Variants in HAUS7 observed in about 807,000 individuals in gnomAD.
The protein encoded by HAUS7 is HAUS augmin-like complex subunit 7.
A neutral mutation model predicts 28.4 loss-of-function variants in HAUS7; 3 were observed. The ratio of observed to expected loss-of-function variants is 0.11; its 90% confidence interval spans 0.05 to 0.27. The LOEUF (loss-of-function observed/expected upper bound fraction) is 0.27, where lower values mean the gene tolerates loss of function less well. Among genes scored for constraint, HAUS7 ranks in the 10% least tolerant of loss-of-function variants. The pLI is 1.00. For missense variants in HAUS7, 284 were observed against 297.3 expected, an observed-to-expected ratio of 0.96 and a Z score of 0.33; for synonymous variants, 165 against 132.1, an observed-to-expected ratio of 1.25 and a Z score of -1.71.
intron 9 of HAUS7, among the ~76,000 whole-genome samples, chrX:153,453,341 T>G (rs191191979): frequency 3.1e-3 from 347 of 111,656 alleles, no homozygotes; most frequent in South Asian, 0.016. Flanking sequence ...TGGACTCAGA[T>G]AGTGATAAGA....
intron 1 of HAUS7, among the ~76,000 whole-genome samples, chrX:153,476,446 A>G (rs1291169400): frequency 7.1e-5 from 8 of 111,902 alleles, no homozygotes; most frequent in Non-Finnish European, 1.5e-4. Context: ...CCCAGCTTGT[A>G]GAGGGTATGT....
intron 1 of HAUS7, among the ~76,000 whole-genome samples, chrX:153,478,733 C>T (rs1011248063): frequency 8.8e-6 from 1 of 113,094 alleles, no homozygotes; most frequent in South Asian, 3.6e-4. Context: ...ATACCCTCGC[C>T]GCCTGCACTG....
At chrX:153,482,072 C>A in intron 1 of HAUS7, 1 of 255,858 alleles carries the variant, frequency 3.9e-6, no homozygotes, top group Non-Finnish European at 5.5e-6. Context: ...GAGCAGCCAG[C>A]ATGGTGGGCT....
intron 8 of HAUS7, chrX:153,454,871 C>T: frequency 9.9e-7 from 1 of 1,006,761 alleles, no homozygotes; most frequent in Non-Finnish European, 1.3e-6. Context: ...AGGGCTGTGG[C>T]CTCACCATCC....
At chrX:153,457,302 T>G in intron 4 of HAUS7, 74 bp from the exon 5 acceptor site, 1 of 647,397 alleles carries the variant, frequency 1.5e-6, no homozygotes, top group Admixed American at 2.5e-5. Flanking sequence ...CCAGTGCCCC[T>G]GCCCCCACAT....
upstream of HAUS7, chrX:153,470,851 C>T: frequency 5.3e-6 from 2 of 376,037 alleles, no homozygotes; most frequent in Non-Finnish European, 1.0e-5. Context: ...GGGCGGACAC[C>T]GGGAAAGGGG....
chrX:153,492,070 C>T (rs781950557), intron 1 of HAUS7, among the ~76,000 whole-genome samples: 7 of 112,339 alleles, frequency 6.2e-5, no homozygotes, highest in Non-Finnish European at 1.1e-4. Flanking sequence ...GCTGTGTGTC[C>T]GCCTCCTCCC....
chrX:153,490,047 G>T (rs2089662132), intron 1 of HAUS7, among the ~76,000 whole-genome samples: 1 of 112,749 alleles, frequency 8.9e-6, no homozygotes, highest in Non-Finnish European at 1.9e-5. Flanking sequence ...TGAAGTCAGG[G>T]CTCGGGACAG....
At chrX:153,482,433 A>G in intron 1 of HAUS7, 1 of 756,431 alleles carries the variant, frequency 1.3e-6, no homozygotes, top group South Asian at 6.7e-5. Flanking sequence ...AACCTCCTGC[A>G]GGGCTTGCAA....
At chrX:153,454,532 G>A (rs1556981629) in intron 8 of HAUS7, 24 bp from the exon 9 acceptor site, 1 of 480,914 alleles carries the variant, frequency 2.1e-6, no homozygotes, top group Non-Finnish European at 3.6e-6. Flanking sequence ...GAGGGAGGGA[G>A]GGAGGGAGGG....
chrX:153,492,531 A>G (rs782084740), intron 1 of HAUS7, among the ~76,000 whole-genome samples: 1 of 112,306 alleles, frequency 8.9e-6, no homozygotes, highest in Non-Finnish European at 1.9e-5. Flanking sequence ...GACCGTATTT[A>G]TATGAGTATT....
At chrX:153,476,440 G>T (rs929588851) in intron 1 of HAUS7, among the ~76,000 whole-genome samples, 77 of 112,091 alleles carry the variant, frequency 6.9e-4, no homozygotes, top group African/African-American at 1.9e-3. Context: ...CTGAGTCCCA[G>T]CTTGTAGAGG....
In HAUS7 at chrX:153,476,695, T is replaced by A. The variant is rs782013913; in HGVS notation, c.-588-5550A>T. Among the ~76,000 whole-genome samples, 131 of 112,066 alleles carry A rather than the reference T, an allele frequency of 1.2e-3. 1 individual carries two copies. Among genetic ancestry groups the A allele is most frequent in the African/African-American group, 4.2e-3 (129 of 30,845 alleles). On this transcript the variant is annotated intron_variant, in intron 1 of 5. Transcript: ENST00000370210. The stretch of plus-strand genomic sequence containing the variant: ...GCACTGAGGAGGGAGGGAAGCTTGT[T>A]CCTGATGTCACATGGCCAGTCCGTC...
chrX:153,481,480 A>ACAC, intron 1 of HAUS7: 1 of 756,085 alleles, frequency 1.3e-6, no homozygotes, highest in Non-Finnish European at 1.6e-6. Flanking sequence ...ACCAGGAAGC[A>ACAC]CACATGGGCA....
At chrX:153,491,513 G>A (rs782090111) in intron 1 of HAUS7, among the ~76,000 whole-genome samples, 5 of 112,092 alleles carry the variant, frequency 4.5e-5, no homozygotes, top group Non-Finnish European at 9.4e-5. Context: ...CCCTTCTTCC[G>A]TGGCCCTCTC....
chrX:153,461,525 CA>C (rs1330223749), intron 4 of HAUS7: 6 of 104,820 alleles, frequency 5.7e-5, no homozygotes, highest in Admixed American at 2.0e-4. Flanking sequence ...CAAAACAAAA[CA>C]AAAAAAAAAC....
At chrX:153,492,538 TA>T (rs1180708908) in intron 1 of HAUS7, among the ~76,000 whole-genome samples, 1 of 111,683 alleles carries the variant, frequency 9.0e-6, no homozygotes, top group African/African-American at 3.3e-5. Flanking sequence ...TTTATATGAG[TA>T]TTGCCCCCAG....
At chrX:153,467,285 G>A (rs1420671114) in intron 2 of HAUS7, among the ~76,000 whole-genome samples, 2 of 111,754 alleles carry the variant, frequency 1.8e-5, no homozygotes, top group African/African-American at 6.5e-5. Flanking sequence ...TCTTTCCCTG[G>A]GGTATTGGTC....
chrX:153,465,931 G>C (rs2089449828), intron 2 of HAUS7, among the ~76,000 whole-genome samples: 1 of 112,622 alleles, frequency 8.9e-6, no homozygotes, highest in Admixed American at 9.3e-5. Flanking sequence ...CACCACAGCA[G>C]CCTTTCATAA....
Sources: gnomAD v4.1 joint callset for allele counts (sites outside exome capture counted in the v4.1 genomes callset) on GRCh38, gnomAD v4.1.1 for gene constraint, MANE v1.5 for transcripts, NCBI Gene and HGNC (gene_info 2026-07-23, HGNC 2026-07-21) for gene names.